Variants in SARS1 observed in about 807,000 individuals in gnomAD.
SARS1 encodes serine--tRNA ligase, cytoplasmic.
Under a neutral mutation model 63.7 loss-of-function variants are expected in SARS1, and 25 were observed. The ratio of observed to expected loss-of-function variants is 0.39; its 90% CI spans 0.29 to 0.55. The LOEUF is 0.55. SARS1 is among the 20% of genes least tolerant of loss of function. The pLI is 0.62. For synonymous variants in SARS1, 231 were observed against 243.5 expected (o/e 0.95, Z 0.48); for missense variants, 417 against 649.7 (o/e 0.64, Z 3.89).
At chr1:109,218,992 C>T (rs182902216) in intron 1 of SARS1, among the ~76,000 whole-genome samples, 55 of 151,874 alleles carry the variant, frequency 3.6e-4, no homozygotes, top group East Asian at 1.2e-3. Context: ...TTAGGCCGGG[C>T]GTGGTGGCTC....
rs761597887 is a variant in SARS1, at chr1:109,228,343, T to C, written c.208-9T>C. 3 of 1,605,298 alleles carry C rather than the reference T, an allele frequency of 1.9e-6. No homozygotes were observed. Among genetic ancestry groups the C allele is most frequent in the Non-Finnish European group, 2.6e-6 (3 of 1,175,902 alleles). ...ATTTATTTGTGTTGGGTTTTTTTCC[T>C]TCCTGCAGAAAAAAGAGCCAGTGGG... On this transcript the variant is annotated splice_polypyrimidine_tract_variant and intron_variant, in intron 2 of 10. Coordinates refer to ENST00000234677, the MANE Select transcript of SARS1 (RefSeq NM_006513.4).
chr1:109,237,061 A>T lies in SARS1; in HGVS notation c.1258-183A>T. The T allele has an allele frequency of 8.3e-7, 1 of 1,209,058 alleles. No homozygotes were observed. Among genetic ancestry groups the T allele is most frequent in the Non-Finnish European group, 1.1e-6 (1 of 884,866 alleles). 74.9% of individuals were successfully genotyped at this position (1,209,058 alleles called of 1,614,324 possible). ...AAACATGAGGGATCTTTCTGCAGTT[A>T]TCTAATAGGCAATAAATACCAAATA... On this transcript the variant is annotated intron_variant, in intron 9 of 10. Coordinates refer to ENST00000234677, the MANE Select transcript of SARS1 (RefSeq NM_006513.4). This position sits in a 1 kb window ranked among gnomAD's most constrained non-coding sequence, Gnocchi z 4.1.
rs1435031222 is a variant in SARS1, at chr1:109,235,690, T to C, written c.969+259T>C. Among the ~76,000 whole-genome samples the C allele has an allele frequency of 6.6e-6, 1 of 152,210 alleles. No homozygotes were observed. Among genetic ancestry groups the C allele is most frequent in the Non-Finnish European group, 1.5e-5 (1 of 68,028 alleles). ...CCAGTGCTCCATTTCTGCCTTTGTA[T>C]GAGGAGGATAACAGTAACAGTGCCT... On this transcript the variant is annotated intron_variant, in intron 7 of 10. Coordinates refer to ENST00000234677, the MANE Select transcript of SARS1 (RefSeq NM_006513.4). The surrounding 1 kb of genome is among the most constrained non-coding windows in gnomAD (Gnocchi z 4.7).
Position 109,236,091 on chromosome 1 carries a change from G to C in SARS1, c.1084G>C (p.Val362Leu). Residue 362 changes from valine to leucine, a missense_variant, in exon 8 of 11, where the codon GTG becomes CTG. This residue lies in a region of SARS1 where 359 missense variants were observed against 529.6 expected (regional missense o/e 0.68). Transcript: ENST00000234677. ...YQSLGIPYHI[V>L]NIVSGSLNHA... is the part of the protein sequence containing the mutation. ...GTCCCTGGGGATTCCTTACCACATTGTGAATATTGTCTCAGGTATGGGACC... is the reference window on the plus strand; with the variant it reads ...GTCCCTGGGGATTCCTTACCACATTCTGAATATTGTCTCAGGTATGGGACC... 1 of 1,613,634 alleles carries C rather than the reference G, an allele frequency of 6.2e-7. No individual in the cohort carries two copies. The highest frequency in any genetic ancestry group is 1.1e-5 in the South Asian group (1 of 91,016).
intron 1 of SARS1, among the ~76,000 whole-genome samples, chr1:109,219,828 A>C (rs1570754366): frequency 6.6e-6 from 1 of 152,110 alleles, no homozygotes; most frequent in Non-Finnish European, 1.5e-5. Context: ...TCTTTCTTTC[A>C]AGATTATGTC....
chr1:109,237,956 G>A lies in SARS1; in HGVS notation c.*68G>A. 6.4e-7 allele frequency: 1 copy of A among 1,566,244 alleles called. No individual in the cohort carries two copies. Among genetic ancestry groups the A allele is most frequent in the Non-Finnish European group, 8.7e-7 (1 of 1,149,926 alleles). On this transcript the variant is annotated 3_prime_UTR_variant, in exon 11 of 11. Transcript: ENST00000234677. This position sits in a 1 kb window ranked among gnomAD's most constrained non-coding sequence, Gnocchi z 4.1. ...CTGAGATCTCAGAGCCTGCCCAACA[G>A]CAGGGAAGCCAAGCACCCATTCATC...
chr1:109,223,700 A>C (rs1655008237), intron 1 of SARS1, among the ~76,000 whole-genome samples: 1 of 152,186 alleles, frequency 6.6e-6, no homozygotes, highest in Non-Finnish European at 1.5e-5. Context: ...GCTACTCGGG[A>C]GGTTGTGGCA....
At chr1:109,230,076 G>A (rs1231359120) in intron 4 of SARS1, among the ~76,000 whole-genome samples, 1 of 151,968 alleles carries the variant, frequency 6.6e-6, no homozygotes, top group African/African-American at 2.4e-5. Flanking sequence ...TGCAGGCTGG[G>A]GTGTGCAGGA....
rs1654730064 is a variant in SARS1 at position 109,214,100 on chromosome 1, G to T, written c.108G>T (p.Leu36=). ...RFKDPGLVDQ[L]VKADSEWRRC... ...AGGACCCGGGACTAGTGGACCAGCT[G>T]GTGAAGGCAGACAGCGAGTGGCGAC... Residue 36 remains leucine (L), a synonymous_variant, in exon 1 of 11, where the codon CTG becomes CTT. Transcript: ENST00000234677. This position sits in a 1 kb window ranked among gnomAD's most constrained non-coding sequence, Gnocchi z 4.6. 2 of 1,614,084 alleles carry T rather than the reference G, an allele frequency of 1.2e-6. No individual in the cohort carries two copies. The highest frequency in any genetic ancestry group is 2.2e-5 in the South Asian group (2 of 91,074).
intron 3 of SARS1, 136 bp from the exon 4 acceptor site, chr1:109,229,278 G>C (rs1295365272): frequency 8.5e-6 from 7 of 821,862 alleles, no homozygotes; most frequent in Admixed American, 7.0e-5. Flanking sequence ...GTTCTTAAAA[G>C]TCTTCGTTTC....
intron 1 of SARS1, among the ~76,000 whole-genome samples, chr1:109,221,399 T>C (rs1386735089): frequency 1.3e-5 from 2 of 152,096 alleles, no homozygotes; most frequent in Non-Finnish European, 1.5e-5. Flanking sequence ...CTTTCCCCCT[T>C]GAGGTTAGGA....
intron 9 of SARS1, chr1:109,236,832 C>G: frequency 6.2e-7 from 1 of 1,602,988 alleles, no homozygotes; most frequent in Non-Finnish European, 8.5e-7. Flanking sequence ...TTTATCTACA[C>G]AGAACAAGTT....
chr1:109,236,703 T>G, intron 9 of SARS1, 155 bp downstream of exon 9: 2 of 1,495,784 alleles, frequency 1.3e-6, no homozygotes, highest in Non-Finnish European at 1.8e-6. Flanking sequence ...TGCCTTCTAC[T>G]GAGTCAGGAC....
Position 109,224,966 on chromosome 1 carries a change from G to A in SARS1, c.207+918G>A, listed in dbSNP as rs111366786. On this transcript the variant is annotated intron_variant, in intron 2 of 10. Transcript: ENST00000234677. Reference sequence around the variant, plus strand: ...AATGAAACAAAAAAATTAGCCAGACGTGGCGGCCTGTGCCTGTAGTTCCAG... The same window carrying A: ...AATGAAACAAAAAAATTAGCCAGACATGGCGGCCTGTGCCTGTAGTTCCAG... 1.8e-3 allele frequency among the ~76,000 whole-genome samples: 276 copies of A among 152,206 alleles called. 2 individuals are homozygous for A. Among genetic ancestry groups the A allele is most frequent in the African/African-American group, 6.2e-3 (258 of 41,530 alleles).
chr1:109,237,379 A>C lies in SARS1; in HGVS notation c.1387+6A>C. ...GAAGGAGTTCATGCCGCCAGGTAAA[A>C]CTCCCAGCTCATCTCATCGTTCTCC... On this transcript the variant is annotated splice_donor_region_variant and intron_variant, in intron 10 of 10. Transcript: ENST00000234677. The surrounding 1 kb of genome is among the most constrained non-coding windows in gnomAD (Gnocchi z 4.1). The C allele has an allele frequency of 6.2e-7, 1 of 1,613,898 alleles. No homozygotes were observed. The highest frequency in any genetic ancestry group is 8.5e-7 in the Non-Finnish European group (1 of 1,179,958).
chr1:109,220,403 T>G (rs1031043440), intron 1 of SARS1, among the ~76,000 whole-genome samples: 5 of 152,266 alleles, frequency 3.3e-5, no homozygotes, highest in African/African-American at 1.2e-4. Context: ...CCTTTTAATT[T>G]AGCCATTCTG....
chr1:109,227,623 C>T (rs533429179), intron 2 of SARS1, among the ~76,000 whole-genome samples: 8 of 152,018 alleles, frequency 5.3e-5, no homozygotes, highest in East Asian at 1.9e-4. Flanking sequence ...CACTCGGGGC[C>T]GGGTGCAGTG....
intron 4 of SARS1, among the ~76,000 whole-genome samples, chr1:109,230,201 A>C (rs1046885065): frequency 2.0e-5 from 3 of 151,846 alleles, no homozygotes; most frequent in Non-Finnish European, 4.4e-5. Flanking sequence ...TCTCCTCTGC[A>C]CCCCAGGCAA....
intron 1 of SARS1, among the ~76,000 whole-genome samples, chr1:109,222,789 C>T (rs892116220): frequency 7.9e-5 from 12 of 152,054 alleles, no homozygotes; most frequent in East Asian, 3.9e-4. Context: ...ATGGGTGGAT[C>T]GCTTGAGCCC....
Sources: allele counts gnomAD v4.1 joint callset (sites outside exome capture counted in the v4.1 genomes callset), GRCh38; gene constraint gnomAD v4.1.1; regional missense constraint gnomAD v4.1.1; non-coding constraint Gnocchi (gnomAD v3.1); transcripts MANE v1.5; gene names NCBI Gene and HGNC (gene_info 2026-07-23, HGNC 2026-07-21).